Variants in LAMB4 observed in about 807,000 individuals in gnomAD.
The protein encoded by LAMB4 is laminin subunit beta-4.
LAMB4 carries 196 observed loss-of-function variants against 199.2 expected under a neutral mutation model. That is an observed-to-expected ratio of 0.98 (90% confidence interval 0.88 to 1.11). LAMB4 has a LOEUF of 1.11. Among genes scored for constraint, LAMB4 ranks in the 50% least tolerant of loss-of-function variants. LAMB4 has a pLI of 0.00. For synonymous variants in LAMB4, 744 were observed against 770.6 expected, an observed-to-expected ratio of 0.97 and a Z score of 0.57; for missense variants, 2,080 against 2,171.2, an observed-to-expected ratio of 0.96 and a Z score of 0.83.
chr7:108,044,026 C>A, intron 28 of LAMB4, 130 bp from the exon 29 acceptor site: 2 of 667,486 alleles, frequency 3.0e-6, no homozygotes, highest in Non-Finnish European at 4.8e-6. Flanking sequence ...CTAGATAAAC[C>A]ATAGATTCAT....
Position 108,107,661 on chromosome 7 carries a change from G to A in LAMB4, c.561C>T (p.Tyr187=). ...CACCTGTTGAGGGTTCAATATCCGA[G>A]TATTTGGAGTCACAAACAATGTCTC... ...GVGDIVCDSK[Y]SDIEPSTGGE... The change falls in exon 6 of 34, where the codon TAC becomes TAT. Residue 187 remains tyrosine (Y), a synonymous_variant. Transcript: ENST00000388781. 1.2e-6 allele frequency: 2 copies of A among 1,611,380 alleles called. No individual in the cohort carries two copies. The highest frequency in any genetic ancestry group is 2.2e-5 in the South Asian group (2 of 90,150).
chr7:108,064,872 T>C (rs1185034372), intron 21 of LAMB4, among the ~76,000 whole-genome samples: 1 of 151,678 alleles, frequency 6.6e-6, no homozygotes, highest in Non-Finnish European at 1.5e-5. Flanking sequence ...ACATTCACAC[T>C]CATGTTTCAT....
intron 16 of LAMB4, among the ~76,000 whole-genome samples, chr7:108,077,371 C>G (rs954459808): frequency 1.3e-5 from 2 of 152,124 alleles, no homozygotes; most frequent in African/African-American, 4.8e-5. Flanking sequence ...CTCATGCTAA[C>G]ATCAACAGGA....
chr7:108,039,984 G>T (rs1477386958), intron 29 of LAMB4, among the ~76,000 whole-genome samples: 1 of 152,170 alleles, frequency 6.6e-6, no homozygotes, highest in African/African-American at 2.4e-5. Context: ...ATCCCTGTTT[G>T]CAGATGGCAT....
chr7:108,055,693 T>C lies in LAMB4; in HGVS notation c.3694A>G (p.Lys1232Glu). Residue 1232 changes from lysine to glutamate, a missense_variant, in exon 25 of 34, where the codon AAA becomes GAA. Coordinates refer to ENST00000388781, the MANE Select transcript of LAMB4 (RefSeq NM_007356.3). ...GNVSEIERIL[K>E]HPVFPSGKFL... ...TTCCCAGATGGGAAAACAGGATGTTTCAAAATCCTTTCTATTTCAGACACG... is the reference window on the plus strand; with the variant it reads ...TTCCCAGATGGGAAAACAGGATGTTCCAAAATCCTTTCTATTTCAGACACG... 1 of 1,614,100 alleles carries C rather than the reference T, an allele frequency of 6.2e-7. No individual in the cohort carries two copies.
At chr7:108,126,384 C>T (rs111968928) in intron 1 of LAMB4, among the ~76,000 whole-genome samples, 188 of 152,086 alleles carry the variant, frequency 1.2e-3, no homozygotes, top group African/African-American at 4.4e-3. Flanking sequence ...CATGTCTCCC[C>T]GAGCCCCTGG....
intron 23 of LAMB4, 65 bp downstream of exon 23, chr7:108,062,709 T>C (rs2036205054): frequency 1.0e-6 from 1 of 958,132 alleles, no homozygotes; most frequent in African/African-American, 1.7e-5. Flanking sequence ...TCTTTACACA[T>C]TTAGAAACCA....
At chr7:108,032,841 A>C (rs1027816296) in intron 31 of LAMB4, among the ~76,000 whole-genome samples, 2 of 151,990 alleles carry the variant, frequency 1.3e-5, no homozygotes, top group Non-Finnish European at 2.9e-5. Context: ...ATGCATGGTG[A>C]CCATTAAAAC....
chr7:108,065,953 C>A, intron 20 of LAMB4, 34 bp from the exon 21 acceptor site: 2 of 1,596,462 alleles, frequency 1.3e-6, no homozygotes, highest in South Asian at 1.1e-5. Flanking sequence ...CAAAATGTTT[C>A]CAGGAAAAGA....
chr7:108,068,441 T>G (rs2036419389), intron 18 of LAMB4, among the ~76,000 whole-genome samples: 1 of 152,220 alleles, frequency 6.6e-6, no homozygotes, highest in Non-Finnish European at 1.5e-5. Flanking sequence ...AAATAATTAT[T>G]CTAATGTAAT....
intron 17 of LAMB4, among the ~76,000 whole-genome samples, chr7:108,071,330 AG>A (rs1024148505): frequency 5.3e-5 from 8 of 150,916 alleles, no homozygotes; most frequent in African/African-American, 2.0e-4. Context: ...AGAGTTCCTC[AG>A]GGTTCTCTCA....
Position 108,105,933 on chromosome 7 carries a change from A to AT in LAMB4, c.753dup (p.Tyr252IlefsTer21). On this transcript the variant is annotated frameshift_variant, in exon 8 of 34. Transcript: ENST00000388781. LOFTEE classifies it high-confidence loss of function. Reference sequence around the variant, plus strand: ...ATCATCTCGTACAGAGCATAGTAGTATTTATCAAGGGAATCATTTTGCCTC... The same window carrying AT: ...ATCATCTCGTACAGAGCATAGTAGTATTTTATCAAGGGAATCATTTTGCCTC... 1 of 1,614,226 alleles carries AT rather than the reference A, an allele frequency of 6.2e-7. No individual in the cohort carries two copies. Among genetic ancestry groups the AT allele is most frequent in the Non-Finnish European group, 8.5e-7 (1 of 1,180,014 alleles).
At position 108,030,860 on chromosome 7, in the gene LAMB4, G is replaced by A. The variant is rs544201590; in HGVS notation, c.4938C>T (p.Val1646=). ...TKLQRHQDHA[V]NAKVQAESAQ... is the part of the protein sequence containing the mutation. The stretch of plus-strand genomic sequence containing the variant: ...CAGATTCAGCCTGAACTTTCGCATT[G>A]ACAGCGTGGTCTTGATGCCTTTGCA... Residue 1646 remains valine, a synonymous_variant, in exon 32 of 34, where the codon GTC becomes GTT. Coordinates refer to ENST00000388781, the MANE Select transcript of LAMB4 (RefSeq NM_007356.3). 2 of 1,614,148 alleles carry A rather than the reference G, an allele frequency of 1.2e-6. No homozygotes were observed. Among genetic ancestry groups the A allele is most frequent in the South Asian group, 2.2e-5 (2 of 91,076 alleles).
chr7:108,062,838 G>A lies in LAMB4; in HGVS notation c.3218C>T (p.Pro1073Leu). 6.4e-7 allele frequency: 1 copy of A among 1,562,550 alleles called. No individual in the cohort carries two copies. Among genetic ancestry groups the A allele is most frequent in the Non-Finnish European group, 8.7e-7 (1 of 1,156,040 alleles). ...GTCACATGACTGACATCCTCTGCCA[G>A]GGACCAGATTCCAGTATCCATCAGC... ...RCADGYWNLV[P>L]GRGCQSCDCD... The change falls in exon 23 of 34, where the codon CCT becomes CTT. Residue 1073 changes from proline (P) to leucine (L), a missense_variant. Transcript: ENST00000388781.
In LAMB4 at chr7:108,063,100, G is replaced by T. The variant is rs139640544; in HGVS notation, c.3062-106C>A. On this transcript the variant is annotated intron_variant, in intron 22 of 33. Transcript: ENST00000388781. ...CCTGGATGTATCATTTCTCCAAGGG[G>T]CTCAAAGAATGAACGCCTTATAATA... 3.7e-4 allele frequency: 237 copies of T among 638,412 alleles called. 2 individuals are homozygous for T. In the East Asian group the frequency reaches 7.3e-3, roughly 20 times the overall value. The allele number at this position is 638,412 out of a possible 1,614,324, so 39.5% of individuals were successfully genotyped here.
At chr7:108,102,076 A>G (rs1277521592) in intron 10 of LAMB4, among the ~76,000 whole-genome samples, 1 of 152,210 alleles carries the variant, frequency 6.6e-6, no homozygotes, top group Admixed American at 6.5e-5. Context: ...TCCATACTCC[A>G]TGGCCCAGAA....
In LAMB4 at chr7:108,078,278, G is replaced by A; in HGVS notation, c.1926C>T (p.Pro642=). 2 of 1,610,368 alleles carry A rather than the reference G, an allele frequency of 1.2e-6. No homozygotes were observed. Among genetic ancestry groups the A allele is most frequent in the Non-Finnish European group, 1.7e-6 (2 of 1,178,486 alleles). The change falls in exon 16 of 34, where the codon CCC becomes CCT. Residue 642 remains proline (P), a synonymous_variant. Transcript: ENST00000388781. The part of the protein sequence containing the change: ...ADWTVQIVVN[P]PGGSEHCIPK... ...GTATGCAGTGCTCACTCCCTCCAGG[G>A]GGGTTCACCACAATCTGGACAGTCC...
chr7:108,103,758 A>G (rs2037899817), intron 9 of LAMB4, among the ~76,000 whole-genome samples: 1 of 152,032 alleles, frequency 6.6e-6, no homozygotes, highest in African/African-American at 2.4e-5. Context: ...TGTTTGGAGG[A>G]ATTTGTCTTC....
At chr7:108,097,555 A>G (rs2037656018) in intron 11 of LAMB4, among the ~76,000 whole-genome samples, 1 of 152,102 alleles carries the variant, frequency 6.6e-6, no homozygotes, top group Non-Finnish European at 1.5e-5. Context: ...GGAGGCCGAG[A>G]CGGGCGGATC....
Sources: gnomAD v4.1 joint callset for allele counts (sites outside exome capture counted in the v4.1 genomes callset) on GRCh38, gnomAD v4.1.1 for gene constraint, MANE v1.5 for transcripts, NCBI Gene and HGNC (gene_info 2026-07-23, HGNC 2026-07-21) for gene names.